The following AUTS2 variants were observed in gnomAD, a reference collection of about 807,000 sequenced individuals.
The protein encoded by AUTS2 is autism susceptibility gene 2 protein.
In AUTS2, 17 loss-of-function variants were observed where a neutral mutation model predicts 112.4. The ratio of observed to expected loss-of-function variants is 0.15; its 90% confidence interval spans 0.10 to 0.23. AUTS2 has a LOEUF of 0.23. AUTS2 is among the 10% of genes least tolerant of loss of function. AUTS2 has a pLI of 1.00. For synonymous variants in AUTS2, 751 were observed against 702.7 expected, an observed-to-expected ratio of 1.07 and a Z score of -1.09; for missense variants, 1,510 against 1,701.6, an observed-to-expected ratio of 0.89 and a Z score of 1.98.
At chr7:70,173,550 A>G (rs1034311320) in intron 4 of AUTS2, among the ~76,000 whole-genome samples, 2 of 152,138 alleles carry the variant, frequency 1.3e-5, no homozygotes, top group East Asian at 1.9e-4. Context: ...CGTACTTCCA[A>G]TAAGTTCTTT....
chr7:69,760,429 T>C (rs2129284974), intron 1 of AUTS2, among the ~76,000 whole-genome samples: 1 of 152,140 alleles, frequency 6.6e-6, no homozygotes, highest in African/African-American at 2.4e-5. Context: ...TTCTTTAATA[T>C]ATTTAACCTC....
At chr7:69,986,575 T>G (rs530154747) in intron 2 of AUTS2, among the ~76,000 whole-genome samples, 1 of 152,346 alleles carries the variant, frequency 6.6e-6, no homozygotes, top group East Asian at 1.9e-4. Context: ...CTGTAAACTT[T>G]CCAGTATTCC....
chr7:69,928,688 G>A (rs1234259999), intron 2 of AUTS2, among the ~76,000 whole-genome samples: 1 of 152,124 alleles, frequency 6.6e-6, no homozygotes, highest in Non-Finnish European at 1.5e-5. Context: ...AGAAGCAGGA[G>A]CAGGCACTTC....
intron 1 of AUTS2, among the ~76,000 whole-genome samples, chr7:69,705,066 C>T (rs531353880): frequency 2.6e-5 from 4 of 152,262 alleles, no homozygotes; most frequent in South Asian, 2.1e-4. Context: ...GGGGTTTCAC[C>T]GTGTTGCCCA....
intron 2 of AUTS2, among the ~76,000 whole-genome samples, chr7:70,004,345 T>TATGTATATATACATATATATATACATAA (rs1563031716): frequency 7.5e-6 from 1 of 133,232 alleles, no homozygotes. Context: ...GAATATATAT[T>TATGTATATATACATATATATATACATAA]CATATATATA....
chr7:69,880,772 TAGAGG>T (rs1794009630), intron 1 of AUTS2, among the ~76,000 whole-genome samples: 1 of 152,106 alleles, frequency 6.6e-6, no homozygotes, highest in Non-Finnish European at 1.5e-5. Context: ...GTAGATGAAG[TAGAGG>T]AGAGGGTGGT....
At chr7:69,773,609 C>A (rs1478892778) in intron 1 of AUTS2, among the ~76,000 whole-genome samples, 1 of 152,172 alleles carries the variant, frequency 6.6e-6, no homozygotes, top group South Asian at 2.1e-4. Context: ...TATCACCAAC[C>A]CCTGCCAGTG....
chr7:69,735,347 C>T (rs1460956559), intron 1 of AUTS2, among the ~76,000 whole-genome samples: 1 of 152,048 alleles, frequency 6.6e-6, no homozygotes, highest in Non-Finnish European at 1.5e-5. Flanking sequence ...GCAGAGTTAT[C>T]CTATGAAGGA....
rs769836595 is a variant in AUTS2 at position 70,790,005 on chromosome 7, G to A, written c.2789G>A (p.Gly930Asp). 1.9e-6 allele frequency: 3 copies of A among 1,598,222 alleles called. No homozygotes were observed. Among genetic ancestry groups the A allele is most frequent in the Non-Finnish European group, 2.6e-6 (3 of 1,172,816 alleles). ...CACGGCCACGAGGGGCGCGCCGCGG[G>A]CGAAGAGGCCAAGCAGCTGGCCCGG... ...DGHGHEGRAA[G>D]EEAKQLARVP... is the part of the protein sequence containing the mutation. Residue 930 changes from glycine to aspartate, a missense_variant, in exon 19 of 19, where the codon GGC (glycine) becomes GAC (aspartate). Around this residue, in one of 3 missense-constraint regions of AUTS2, gnomAD observed 788 missense variants for 797.6 expected, o/e 0.99. Coordinates refer to ENST00000342771, the MANE Select transcript of AUTS2 (RefSeq NM_015570.4). The surrounding 1 kb of genome is among the most constrained non-coding windows in gnomAD (Gnocchi z 7.6).
At chr7:70,716,328 A>T (rs1424088186) in intron 6 of AUTS2, among the ~76,000 whole-genome samples, 1 of 152,102 alleles carries the variant, frequency 6.6e-6, no homozygotes, top group African/African-American at 2.4e-5. Context: ...CAGTTTGGTG[A>T]ATTTAAAAAT....
At chr7:69,708,833 G>C (rs959122753) in intron 1 of AUTS2, among the ~76,000 whole-genome samples, 1 of 152,200 alleles carries the variant, frequency 6.6e-6, no homozygotes, top group African/African-American at 2.4e-5. Context: ...AGAACCTCTT[G>C]AGAAAATCAG....
At chr7:70,567,482 T>C (rs1332044352) in intron 5 of AUTS2, among the ~76,000 whole-genome samples, 1 of 152,238 alleles carries the variant, frequency 6.6e-6, no homozygotes, top group Non-Finnish European at 1.5e-5. Flanking sequence ...TTGGGGGCCC[T>C]GCTTTTCTGA....
chr7:69,939,832 T>C (rs1562982367), intron 2 of AUTS2, among the ~76,000 whole-genome samples: 1 of 152,154 alleles, frequency 6.6e-6, no homozygotes. Context: ...GAGAGAAATA[T>C]CTCTTTGCTT....
chr7:70,081,348 T>A (rs1432394454), intron 2 of AUTS2, among the ~76,000 whole-genome samples: 1 of 150,000 alleles, frequency 6.7e-6, no homozygotes, highest in East Asian at 2.0e-4. Flanking sequence ...GTCAGGAGTT[T>A]GAGACCAGCC....
chr7:69,777,731 A>C (rs191647517), intron 1 of AUTS2, among the ~76,000 whole-genome samples: 1 of 152,324 alleles, frequency 6.6e-6, no homozygotes, highest in African/African-American at 2.4e-5. Context: ...CTTCCGAGAA[A>C]ACTTTGGGCT....
intron 5 of AUTS2, among the ~76,000 whole-genome samples, chr7:70,519,272 A>G (rs1458552732): frequency 6.6e-6 from 1 of 152,190 alleles, no homozygotes; most frequent in African/African-American, 2.4e-5. Context: ...GGAAAGTTTC[A>G]GGTTTGTTGG....
intron 6 of AUTS2, among the ~76,000 whole-genome samples, chr7:70,757,113 C>T (rs148242446): frequency 1.9e-3 from 282 of 152,278 alleles, no homozygotes; most frequent in African/African-American, 6.3e-3. Flanking sequence ...ACTTAGTTCG[C>T]GCTTTTTTGC....
intron 4 of AUTS2, among the ~76,000 whole-genome samples, chr7:70,373,597 C>T (rs1012089618): frequency 2.0e-5 from 3 of 152,118 alleles, no homozygotes. Context: ...GGCAGTTATC[C>T]TAAGAACGTG....
intron 1 of AUTS2, among the ~76,000 whole-genome samples, chr7:69,616,530 A>G (rs1793385054): frequency 1.3e-5 from 2 of 152,128 alleles, no homozygotes; most frequent in African/African-American, 4.8e-5. Context: ...CCACAACTAG[A>G]TAGGTTTACT....
Sources: allele counts gnomAD v4.1 joint callset (sites outside exome capture counted in the v4.1 genomes callset), GRCh38; gene constraint gnomAD v4.1.1; regional missense constraint gnomAD v4.1.1; non-coding constraint Gnocchi (gnomAD v3.1); transcripts MANE v1.5; gene names NCBI Gene and HGNC (gene_info 2026-07-23, HGNC 2026-07-21).